CNTNAP2: variants seen among roughly 807,000 people sequenced by gnomAD.
The protein encoded by CNTNAP2 is contactin-associated protein-like 2.
CNTNAP2 carries 98 observed loss-of-function variants against 155.2 expected under a neutral mutation model. That is an observed-to-expected ratio of 0.63 (90% CI 0.54 to 0.75). CNTNAP2 has a LOEUF of 0.75. Ranked by LOEUF, CNTNAP2 falls within the 30% of genes least tolerant of loss-of-function variation. The pLI, the probability that CNTNAP2 is intolerant of heterozygous loss-of-function variation, is 0.00. For synonymous variants in CNTNAP2, 651 were observed against 631.2 expected, an observed-to-expected ratio of 1.03 and a Z score of -0.47; for missense variants, 1,727 against 1,688.1, an observed-to-expected ratio of 1.02 and a Z score of -0.40.
At chr7:146,588,620 A>G (rs1798734428) in intron 1 of CNTNAP2, among the ~76,000 whole-genome samples, 3 of 151,848 alleles carry the variant, frequency 2.0e-5, no homozygotes, top group Admixed American at 6.6e-5. Context: ...TGATCTTCGT[A>G]CCTTAGCCTC....
At chr7:146,453,727 A>G (rs1219453890) in intron 1 of CNTNAP2, among the ~76,000 whole-genome samples, 1 of 152,004 alleles carries the variant, frequency 6.6e-6, no homozygotes, top group African/African-American at 2.4e-5. Flanking sequence ...TTAGAGGTAC[A>G]GAAGATATAA....
chr7:146,135,324 A>T (rs1169536048), intron 1 of CNTNAP2, among the ~76,000 whole-genome samples: 1 of 152,122 alleles, frequency 6.6e-6, no homozygotes, highest in Non-Finnish European at 1.5e-5. Flanking sequence ...ATTCAGAAAG[A>T]TGTAGATACT....
intron 16 of CNTNAP2, among the ~76,000 whole-genome samples, chr7:148,129,351 A>C (rs1053699796): frequency 6.6e-6 from 1 of 152,192 alleles, no homozygotes; most frequent in African/African-American, 2.4e-5. Flanking sequence ...ATGCTCGAAA[A>C]TAACCTAAGT....
chr7:147,328,794 G>A (rs898646771), intron 9 of CNTNAP2, among the ~76,000 whole-genome samples: 2 of 151,482 alleles, frequency 1.3e-5, no homozygotes, highest in Admixed American at 6.6e-5. Context: ...GCCTGCAGGC[G>A]GGTGCCATAT....
Position 146,130,179 on chromosome 7 carries a change from G to A in CNTNAP2, c.97+13206G>A, listed in dbSNP as rs544081030. The stretch of plus-strand genomic sequence containing the variant: ...TCACTGGTTAGAAATATAGGCAGTC[G>A]GGCCGGGCGTGGTGGCTCATGCGTA... On this transcript the variant is annotated intron_variant, in intron 1 of 23. Coordinates refer to ENST00000361727, the MANE Select transcript of CNTNAP2 (RefSeq NM_014141.6). Among the ~76,000 whole-genome samples the A allele has an allele frequency of 1.6e-4, 25 of 152,274 alleles. No individual in the cohort carries two copies. The South Asian group carries it at 5.0e-3, about 30-fold the overall frequency.
chr7:147,418,824 G>T (rs1188764849), intron 10 of CNTNAP2, among the ~76,000 whole-genome samples: 1 of 152,142 alleles, frequency 6.6e-6, no homozygotes, highest in South Asian at 2.1e-4. Flanking sequence ...TGCAAGTTAG[G>T]ATAGAATCTA....
At chr7:148,133,093 G>A (rs1441626243) in intron 16 of CNTNAP2, among the ~76,000 whole-genome samples, 1 of 152,094 alleles carries the variant, frequency 6.6e-6, no homozygotes, top group East Asian at 1.9e-4. Flanking sequence ...GGAACATTAT[G>A]TAATCTTCTT....
chr7:147,370,473 T>C (rs1796323323), intron 9 of CNTNAP2, among the ~76,000 whole-genome samples: 1 of 152,130 alleles, frequency 6.6e-6, no homozygotes, highest in Admixed American at 6.6e-5. Context: ...TTTTCAGGAA[T>C]TCCGTGAGTC....
At chr7:148,380,933 CATGT>C (rs1799043410) in intron 21 of CNTNAP2, among the ~76,000 whole-genome samples, 1 of 152,168 alleles carries the variant, frequency 6.6e-6, no homozygotes, top group Non-Finnish European at 1.5e-5. Context: ...AGGAAGCACG[CATGT>C]GAATGAGGCA....
At chr7:147,106,317 C>T (rs10226027) in intron 4 of CNTNAP2, among the ~76,000 whole-genome samples, 5,408 of 152,098 alleles carry the variant, frequency 0.036, 207 homozygotes, top group African/African-American at 0.09. Context: ...CTGGATTATA[C>T]GTTCTCCTTT....
chr7:147,654,873 G>A (rs1412062356), intron 13 of CNTNAP2, among the ~76,000 whole-genome samples: 2 of 139,218 alleles, frequency 1.4e-5, no homozygotes, highest in African/African-American at 5.8e-5. Flanking sequence ...GAGTGCAGTG[G>A]TGTGATCTTG....
At chr7:147,529,625 G>A (rs1799394259) in intron 11 of CNTNAP2, among the ~76,000 whole-genome samples, 1 of 151,992 alleles carries the variant, frequency 6.6e-6, no homozygotes, top group Non-Finnish European at 1.5e-5. Context: ...TTCTTTCAAA[G>A]CAGAGGCCAG....
intron 13 of CNTNAP2, among the ~76,000 whole-genome samples, chr7:147,759,212 A>G (rs1218890099): frequency 6.6e-6 from 1 of 152,208 alleles, no homozygotes; most frequent in South Asian, 2.1e-4. Context: ...ATTATTTTAT[A>G]AAAAGAAATT....
intron 9 of CNTNAP2, among the ~76,000 whole-genome samples, chr7:147,329,955 C>T (rs826789): frequency 0.37 from 56,442 of 151,806 alleles, 11,136 homozygotes; most frequent in African/African-American, 0.5. Flanking sequence ...ATATATTTGG[C>T]CTTTGGCTCT....
At chr7:148,363,534 T>G (rs1798665526) in intron 21 of CNTNAP2, among the ~76,000 whole-genome samples, 1 of 152,240 alleles carries the variant, frequency 6.6e-6, no homozygotes, top group African/African-American at 2.4e-5. Context: ...TTTACTGGGA[T>G]GTAGCCCCTT....
In CNTNAP2 at chr7:147,954,175, A is replaced by T. The variant is rs527664800; in HGVS notation, c.2256-23687A>T. 2.6e-5 allele frequency among the ~76,000 whole-genome samples: 4 copies of T among 152,270 alleles called. No homozygotes were observed. The South Asian group carries it at 8.3e-4, about 32-fold the overall frequency. On this transcript the variant is annotated intron_variant, in intron 14 of 23. Coordinates refer to ENST00000361727, the MANE Select transcript of CNTNAP2 (RefSeq NM_014141.6). ...TGTACTATGGAGAGACGCATAAATG[A>T]AGATGACTTTAATACATTCTGCTTT...
intron 1 of CNTNAP2, among the ~76,000 whole-genome samples, chr7:146,170,765 C>T (rs899491333): frequency 2.6e-5 from 4 of 152,030 alleles, no homozygotes; most frequent in African/African-American, 9.7e-5. Flanking sequence ...TGGTGGCTCA[C>T]ACCTGTAATC....
At chr7:146,396,919 A>G (rs1270506776) in intron 1 of CNTNAP2, among the ~76,000 whole-genome samples, 1 of 152,068 alleles carries the variant, frequency 6.6e-6, no homozygotes, top group Non-Finnish European at 1.5e-5. Context: ...AAGAAGATAA[A>G]TTTTCTAATT....
At chr7:147,023,848 A>G (rs1417702024) in intron 3 of CNTNAP2, among the ~76,000 whole-genome samples, 1 of 152,198 alleles carries the variant, frequency 6.6e-6, no homozygotes, top group Non-Finnish European at 1.5e-5. Flanking sequence ...TTATTTTTTA[A>G]AAGACTATTA....
Sources: gnomAD v4.1 joint callset for allele counts (sites outside exome capture counted in the v4.1 genomes callset) on GRCh38, gnomAD v4.1.1 for gene constraint, MANE v1.5 for transcripts, NCBI Gene and HGNC (gene_info 2026-07-23, HGNC 2026-07-21) for gene names.